The following PCDHA1 variants were observed in gnomAD, a reference collection of about 807,000 sequenced individuals.
PCDHA1 encodes protocadherin alpha 1.
A neutral mutation model predicts 61.3 loss-of-function variants in PCDHA1; 42 were observed. The ratio of observed to expected loss-of-function variants is 0.69; its 90% confidence interval spans 0.54 to 0.89. The LOEUF is 0.89. Among genes scored for constraint, PCDHA1 ranks in the 40% least tolerant of loss-of-function variants. PCDHA1 has a pLI of 0.00. For missense variants in PCDHA1, 1,256 were observed against 1,235.3 expected, an observed-to-expected ratio of 1.02 and a Z score of -0.25; for synonymous variants, 610 against 553.8, an observed-to-expected ratio of 1.10 and a Z score of -1.43.
At chr5:140,797,365 C>G in intron 1 of PCDHA1, 1 of 1,609,390 alleles carries the variant, frequency 6.2e-7, no homozygotes, top group Non-Finnish European at 8.5e-7. Context: ...GAGTCTTTTA[C>G]TTTTTCTTGC....
At position 140,877,451 on chromosome 5, in the gene PCDHA1, C is replaced by T. The variant is rs782361627; in HGVS notation, c.2394+88767C>T. ...AAGGACCACGGTGAGCCCGCGCTGA[C>T]GTCCACGGCCACGGTGCTGGTGTCG... On this transcript the variant is annotated intron_variant, in intron 1 of 3. Coordinates refer to ENST00000504120, the MANE Select transcript of PCDHA1 (RefSeq NM_018900.4). The T allele has an allele frequency of 3.5e-5, 57 of 1,613,672 alleles. No individual in the cohort carries two copies. The East Asian group carries it at 1.2e-3, about 35-fold the overall frequency.
intron 3 of PCDHA1, among the ~76,000 whole-genome samples, chr5:141,004,580 A>G (rs782539696): frequency 5.3e-5 from 8 of 152,222 alleles, no homozygotes; most frequent in Non-Finnish European, 1.2e-4. Context: ...TGTGTTCTGC[A>G]TCTCCAGATG....
chr5:140,868,098 A>G (rs972281563), intron 1 of PCDHA1: 22 of 152,120 alleles, frequency 1.4e-4, no homozygotes, highest in Admixed American at 1.0e-3. Context: ...AATGATAATA[A>G]AATTTATTTT....
chr5:140,850,760 G>T lies in PCDHA1; in HGVS notation c.2394+62076G>T. 1.3e-6 allele frequency: 2 copies of T among 1,598,100 alleles called. 1 individual carries two copies. The highest frequency in any genetic ancestry group is 1.7e-6 in the Non-Finnish European group (2 of 1,167,646). On this transcript the variant is annotated intron_variant, in intron 1 of 3. Coordinates refer to ENST00000504120, the MANE Select transcript of PCDHA1 (RefSeq NM_018900.4). ...GTTGGTCGTACTCGCAGCAGAGGAGGCAGAGGGTGTGCTCTGGCGAGGGTA... is the reference window on the plus strand; with the variant it reads ...GTTGGTCGTACTCGCAGCAGAGGAGTCAGAGGGTGTGCTCTGGCGAGGGTA...
chr5:140,988,862 T>G (rs1554250483), intron 3 of PCDHA1: 2 of 152,218 alleles, frequency 1.3e-5, no homozygotes, highest in Non-Finnish European at 1.5e-5. Flanking sequence ...CAGTCTCATG[T>G]GCACTCAGAT....
intron 1 of PCDHA1, among the ~76,000 whole-genome samples, chr5:140,911,559 C>T (rs2075532280): frequency 6.6e-6 from 1 of 152,168 alleles, no homozygotes; most frequent in Non-Finnish European, 1.5e-5. Flanking sequence ...CATTTTCTTT[C>T]ATCACTTTGT....
At chr5:140,809,829 T>A (rs1319284228) in intron 1 of PCDHA1, 1 of 363,652 alleles carries the variant, frequency 2.7e-6, no homozygotes, top group Non-Finnish European at 4.9e-6. Flanking sequence ...TCACCCTCTT[T>A]GTTTTTGGTA....
chr5:140,988,206 G>GA (rs200168674), intron 3 of PCDHA1, among the ~76,000 whole-genome samples: 41 of 150,634 alleles, frequency 2.7e-4, no homozygotes, highest in Admixed American at 4.6e-4. Flanking sequence ...TCCTTATTAG[G>GA]AAAAAAAAAT....
chr5:140,871,588 T>C, intron 1 of PCDHA1: 1 of 1,463,366 alleles, frequency 6.8e-7, no homozygotes, highest in Non-Finnish European at 9.1e-7. Context: ...GAAAGTTTTA[T>C]GAATAACCAG....
chr5:141,006,636 A>G (rs1322633928), intron 3 of PCDHA1, among the ~76,000 whole-genome samples: 3 of 152,210 alleles, frequency 2.0e-5, no homozygotes, highest in African/African-American at 7.2e-5. Context: ...TGCAATTCAT[A>G]TAAGAGATGA....
intron 1 of PCDHA1, chr5:140,829,910 C>T (rs2150177583): frequency 3.7e-6 from 6 of 1,613,984 alleles, no homozygotes; most frequent in South Asian, 3.3e-5. Flanking sequence ...CAACGCGTGG[C>T]TTTCGTATGA....
chr5:140,983,239 C>CCTGCTAAGTTGTGTAAAAAA (rs1261909895), intron 3 of PCDHA1, among the ~76,000 whole-genome samples: 1 of 152,176 alleles, frequency 6.6e-6, no homozygotes, highest in Non-Finnish European at 1.5e-5. Flanking sequence ...GGAAAGAGAA[C>CCTGCTAAGTTGTGTAAAAAA]CTGCTAAGTT....
rs114930676 is a variant in PCDHA1 at position 140,999,076 on chromosome 5, C to G, written c.2543-10551C>G. ...CATGCCTAAGTAGTCTCCTTCACTT[C>G]CTCCTTCAGAGGGCTATGGAGAGTA... On this transcript the variant is annotated intron_variant, in intron 3 of 3. Transcript: ENST00000504120. Among the ~76,000 whole-genome samples the G allele has an allele frequency of 3.3e-3, 503 of 152,332 alleles. 4 individuals are homozygous for G. The highest frequency in any genetic ancestry group is 0.011 in the African/African-American group (469 of 41,568).
At chr5:140,935,374 T>A (rs2090335210) in intron 1 of PCDHA1, among the ~76,000 whole-genome samples, 1 of 152,248 alleles carries the variant, frequency 6.6e-6, no homozygotes. Flanking sequence ...GTCAACAGAA[T>A]TACTCATTTG....
intron 1 of PCDHA1, chr5:140,822,885 G>A (rs1554128940): frequency 1.2e-6 from 2 of 1,614,088 alleles, no homozygotes; most frequent in African/African-American, 1.3e-5. Flanking sequence ...TCATTGCTCT[G>A]ATCAGCGTGT....
At chr5:140,958,700 C>G (rs2095439212) in intron 1 of PCDHA1, among the ~76,000 whole-genome samples, 1 of 152,086 alleles carries the variant, frequency 6.6e-6, no homozygotes, top group Non-Finnish European at 1.5e-5. Context: ...CCTAGAGTGA[C>G]AACTCTGTTA....
At chr5:140,904,015 A>G (rs1374371306) in intron 1 of PCDHA1, among the ~76,000 whole-genome samples, 1 of 152,234 alleles carries the variant, frequency 6.6e-6, no homozygotes, top group Non-Finnish European at 1.5e-5. Context: ...ACTTTAAAAA[A>G]TAATGGTATA....
At chr5:140,843,830 T>C (rs2150193091) in intron 1 of PCDHA1, 2 of 1,116,788 alleles carry the variant, frequency 1.8e-6, no homozygotes, top group East Asian at 2.4e-5. Flanking sequence ...TTAAACATTG[T>C]TTAGTTTTTA....
intron 1 of PCDHA1, among the ~76,000 whole-genome samples, chr5:140,944,186 GTTT>G (rs2093621428): frequency 6.6e-6 from 1 of 151,986 alleles, no homozygotes. Flanking sequence ...TTGTTGGTTT[GTTT>G]TGTTTTGTTT....
Sources: allele counts gnomAD v4.1 joint callset (sites outside exome capture counted in the v4.1 genomes callset), GRCh38; gene constraint gnomAD v4.1.1; transcripts MANE v1.5; gene names NCBI Gene and HGNC (gene_info 2026-07-23, HGNC 2026-07-21).